The following RPL35 variants were observed in gnomAD, a reference collection of about 807,000 sequenced individuals.
RPL35 encodes the protein large ribosomal subunit protein uL29.
Under a neutral mutation model 15.6 loss-of-function variants are expected in RPL35, and 2 were observed. The observed-to-expected ratio is 0.13, with a 90% confidence interval of 0.05 to 0.40. RPL35 has a LOEUF of 0.40. Among genes scored for constraint, RPL35 ranks in the 10% least tolerant of loss-of-function variants. The pLI, the probability that RPL35 is intolerant of heterozygous loss-of-function variation, is 0.99. For missense variants in RPL35, 111 were observed against 164.7 expected (o/e 0.67, Z 1.79); for synonymous variants, 93 against 67.9 (o/e 1.37, Z -1.82).
chr9:124,860,138 C>T, intron 3 of RPL35, 45 bp downstream of exon 3: 1 of 1,433,524 alleles, frequency 7.0e-7, no homozygotes, highest in South Asian at 1.1e-5. Flanking sequence ...ACGGCTAGCA[C>T]TTGGCTTCCT....
At position 124,861,560 on chromosome 9, in the gene RPL35, G is replaced by C; in HGVS notation, c.4-5C>G. 1 of 1,613,448 alleles carries C rather than the reference G, an allele frequency of 6.2e-7. No individual in the cohort carries two copies. Among genetic ancestry groups the C allele is most frequent in the Non-Finnish European group, 8.5e-7 (1 of 1,179,852 alleles). The stretch of plus-strand genomic sequence containing the variant: ...ATCTCGAGCCTTGATCTTGGCCTGC[G>C]CGCAAGAGAGAGTGTGCCTCAGCCA... On this transcript the variant is annotated splice_polypyrimidine_tract_variant and splice_region_variant and intron_variant, in intron 1 of 3. Transcript: ENST00000348462.
In RPL35 at chr9:124,861,936, C is replaced by A. The variant is rs1454481475; in HGVS notation, c.-24G>T. ...ATTGCTGCACAAGCCGCCAACGCCG[C>A]CGCCCGCTCCGAGGGAAAGAGGAAG... On this transcript the variant is annotated 5_prime_UTR_variant, in exon 1 of 4. Transcript: ENST00000348462. The A allele has an allele frequency of 6.3e-7, 1 of 1,598,500 alleles. No individual in the cohort carries two copies. Among genetic ancestry groups the A allele is most frequent in the East Asian group, 2.3e-5 (1 of 44,132 alleles).
At chr9:124,858,434 A>G (rs2131323683) in intron 3 of RPL35, 1 of 712,796 alleles carries the variant, frequency 1.4e-6, no homozygotes, top group Non-Finnish European at 2.6e-6. Flanking sequence ...GCACCCACCA[A>G]GCCCCGGGGG....
In RPL35 at chr9:124,861,938, G is replaced by C. The variant is rs200283947; in HGVS notation, c.-26C>G. 1 of 1,598,072 alleles carries C rather than the reference G, an allele frequency of 6.3e-7. No individual in the cohort carries two copies. The highest frequency in any genetic ancestry group is 8.5e-7 in the Non-Finnish European group (1 of 1,173,182). Reference sequence around the variant, plus strand: ...TGCTGCACAAGCCGCCAACGCCGCCGCCCGCTCCGAGGGAAAGAGGAAGTA... The same window carrying C: ...TGCTGCACAAGCCGCCAACGCCGCCCCCCGCTCCGAGGGAAAGAGGAAGTA... On this transcript the variant is annotated 5_prime_UTR_variant, in exon 1 of 4. Coordinates refer to ENST00000348462, the MANE Select transcript of RPL35 (RefSeq NM_007209.4).
intron 3 of RPL35, 51 bp downstream of exon 3, chr9:124,860,132 C>G: frequency 7.3e-7 from 1 of 1,370,600 alleles, no homozygotes. Flanking sequence ...CCAGGGACGG[C>G]TAGCACTTGG....
At chr9:124,861,776 G>C in intron 1 of RPL35, 134 bp downstream of exon 1, 1 of 1,371,366 alleles carries the variant, frequency 7.3e-7, no homozygotes, top group African/African-American at 1.5e-5. Flanking sequence ...GCGGGTTGTG[G>C]TGGCGCCAGA....
intron 2 of RPL35, 112 bp downstream of exon 2, chr9:124,861,307 G>A: frequency 1.5e-6 from 2 of 1,336,006 alleles, no homozygotes; most frequent in South Asian, 1.3e-5. Context: ...CAGGATGCAC[G>A]GAGTGGGCAT....
intron 3 of RPL35, chr9:124,858,410 G>C (rs1829141947): frequency 1.4e-6 from 1 of 699,248 alleles, no homozygotes; most frequent in Non-Finnish European, 2.7e-6. Flanking sequence ...TGACAACCTA[G>C]TACAGGGCAC....
At chr9:124,861,330 C>T in intron 2 of RPL35, 89 bp downstream of exon 2, 2 of 1,516,672 alleles carry the variant, frequency 1.3e-6, no homozygotes, top group Non-Finnish European at 1.8e-6. Context: ...AAGCGGCCAG[C>T]TCCTTAAGCC....
At chr9:124,860,367 C>T in intron 2 of RPL35, 103 bp from the exon 3 acceptor site, 1 of 940,196 alleles carries the variant, frequency 1.1e-6, no homozygotes, top group Non-Finnish European at 1.7e-6. Flanking sequence ...CCCCCATCAA[C>T]CCATCCATAT....
intron 1 of RPL35, 171 bp downstream of exon 1, chr9:124,861,739 G>A (rs958176344): frequency 7.6e-7 from 1 of 1,311,234 alleles, no homozygotes; most frequent in Admixed American, 2.7e-5. Context: ...CCCGGGCCGC[G>A]CGCCTCTCCC....
At chr9:124,860,304 T>TA in intron 2 of RPL35, 40 bp from the exon 3 acceptor site, 2 of 1,513,834 alleles carry the variant, frequency 1.3e-6, no homozygotes, top group Non-Finnish European at 1.8e-6. Context: ...GGAAGACACA[T>TA]AGCACTACCC....
chr9:124,860,779 T>C (rs1829184299), intron 2 of RPL35, among the ~76,000 whole-genome samples: 2 of 152,152 alleles, frequency 1.3e-5, no homozygotes, highest in African/African-American at 4.8e-5. Flanking sequence ...AGTGTGCAAC[T>C]GTGCTTGTCC....
At position 124,857,886 on chromosome 9, in the gene RPL35, C is replaced by T. The variant is rs1829128841; in HGVS notation, c.*32G>A. ...GAAGTGCCAGGAAACAAAGCAGTCTCAGCCAGCTGTGCTTTATTGACAATG... is the reference window on the plus strand; with the variant it reads ...GAAGTGCCAGGAAACAAAGCAGTCTTAGCCAGCTGTGCTTTATTGACAATG... On this transcript the variant is annotated 3_prime_UTR_variant, in exon 4 of 4. Coordinates refer to ENST00000348462, the MANE Select transcript of RPL35 (RefSeq NM_007209.4). 1 of 1,607,510 alleles carries T rather than the reference C, an allele frequency of 6.2e-7. No individual in the cohort carries two copies. Among genetic ancestry groups the T allele is most frequent in the African/African-American group, 1.3e-5 (1 of 74,808 alleles).
At chr9:124,861,084 T>G in intron 2 of RPL35, 2 of 275,246 alleles carry the variant, frequency 7.3e-6, no homozygotes, top group South Asian at 5.6e-5. Context: ...CTCTTAGCCA[T>G]GTAAAATAAC....
intron 2 of RPL35, 72 bp from the exon 3 acceptor site, chr9:124,860,336 G>A (rs940881687): frequency 3.4e-5 from 43 of 1,248,182 alleles, no homozygotes; most frequent in Non-Finnish European, 4.5e-5. Flanking sequence ...CTCACACATA[G>A]GGCAGCAATA....
At chr9:124,860,150 C>A (rs1386152125) in intron 3 of RPL35, 33 bp downstream of exon 3, 2 of 1,535,766 alleles carry the variant, frequency 1.3e-6, no homozygotes, top group Admixed American at 3.3e-5. Context: ...TGGCTTCCTG[C>A]AGCCAACCCT....
chr9:124,861,104 C>CG, intron 2 of RPL35: 1 of 325,450 alleles, frequency 3.1e-6, no homozygotes, highest in East Asian at 6.1e-5. Flanking sequence ...CTTACGCTGC[C>CG]ACTCCAGGGT....
rs1171883741 is a variant in RPL35, at chr9:124,861,501, G to C, written c.58C>G (p.Gln20Glu). The change falls in exon 2 of 4, where the codon CAG becomes GAG. Residue 20 changes from glutamine (Q) to glutamate (E), a missense_variant. Coordinates refer to ENST00000348462, the MANE Select transcript of RPL35 (RefSeq NM_007209.4). ...AGCTCCACCTTCAGGTCGTCCAGCT[G>C]TTTCAGCAGCTCCTCCTTCTTCTTC... ...RGKKKEELLK[Q>E]LDDLKVELSQ... 6.2e-7 allele frequency: 1 copy of C among 1,613,936 alleles called. No individual in the cohort carries two copies. Among genetic ancestry groups the C allele is most frequent in the Non-Finnish European group, 8.5e-7 (1 of 1,180,018 alleles).
Sources: gnomAD v4.1 joint callset for allele counts (sites outside exome capture counted in the v4.1 genomes callset) on GRCh38, gnomAD v4.1.1 for gene constraint, MANE v1.5 for transcripts, NCBI Gene and HGNC (gene_info 2026-07-23, HGNC 2026-07-21) for gene names.